RBMS3: variants seen among roughly 807,000 people sequenced by gnomAD.
RBMS3 encodes RNA binding motif single stranded interacting protein 3.
Under a neutral mutation model 66.8 loss-of-function variants are expected in RBMS3, and 27 were observed. The observed-to-expected ratio is 0.40, with a 90% CI of 0.30 to 0.56. The LOEUF (loss-of-function observed/expected upper bound fraction) is 0.56, where lower values mean the gene tolerates loss of function less well. Ranked by LOEUF, RBMS3 falls within the 20% of genes least tolerant of loss-of-function variation. RBMS3 has a pLI of 0.40. For synonymous variants in RBMS3, 188 were observed against 183.0 expected (o/e 1.03, Z -0.22); for missense variants, 513 against 549.5 (o/e 0.93, Z 0.66).
chr3:29,811,893 C>T lies in RBMS3; in HGVS notation c.637+48904C>T, dbSNP rs147029562. Among the ~76,000 whole-genome samples, 79 of 152,222 alleles carry T rather than the reference C, an allele frequency of 5.2e-4. 1 individual carries two copies. The highest frequency in any genetic ancestry group is 9.3e-4 in the Non-Finnish European group (63 of 68,018). ...GGTGATTGCTGAGGGTATGCTCTGC[C>T]GTTTCTTAGGAAGTTGTGGAAGATA... On this transcript the variant is annotated intron_variant, in intron 6 of 14. Transcript: ENST00000383767.
At chr3:29,654,448 A>G (rs2050250124) in intron 4 of RBMS3, among the ~76,000 whole-genome samples, 1 of 151,864 alleles carries the variant, frequency 6.6e-6, no homozygotes, top group Non-Finnish European at 1.5e-5. Context: ...GGGTCCTGAA[A>G]TGCAGAAATA....
chr3:29,928,824 G>A (rs1391524708), intron 10 of RBMS3, among the ~76,000 whole-genome samples: 5 of 151,514 alleles, frequency 3.3e-5, no homozygotes, highest in African/African-American at 9.7e-5. Flanking sequence ...ATTTGAACCA[G>A]GCTACTGGTC....
chr3:29,616,598 T>C (rs2048682975), intron 4 of RBMS3: 1 of 152,360 alleles, frequency 6.6e-6, no homozygotes, highest in Admixed American at 6.5e-5. Context: ...AATGATTCCT[T>C]GTGCTTCTTT....
intron 6 of RBMS3, among the ~76,000 whole-genome samples, chr3:29,866,077 TAAAAAAAA>T (rs35591949): frequency 9.5e-6 from 1 of 105,600 alleles, no homozygotes; most frequent in African/African-American, 3.9e-5. Flanking sequence ...CACCAAATAC[TAAAAAAAA>T]AAAAAAAAAA....
chr3:29,459,714 G>A (rs1426791484), intron 2 of RBMS3, among the ~76,000 whole-genome samples: 7 of 152,220 alleles, frequency 4.6e-5, no homozygotes. Context: ...TCACAAGAGT[G>A]TGCTAACTGC....
chr3:29,891,791 C>T (rs551930108), intron 8 of RBMS3, among the ~76,000 whole-genome samples: 8 of 151,506 alleles, frequency 5.3e-5, no homozygotes, highest in East Asian at 2.0e-4. Context: ...TCTTATTACA[C>T]TAGGAAAGGA....
At chr3:29,635,912 A>G (rs1197302915) in intron 4 of RBMS3, among the ~76,000 whole-genome samples, 1 of 151,888 alleles carries the variant, frequency 6.6e-6, no homozygotes, top group East Asian at 1.9e-4. Flanking sequence ...AGAATCAAGC[A>G]AGGAAGAAAC....
chr3:29,903,275 T>C (rs935479481), intron 10 of RBMS3: 1 of 151,908 alleles, frequency 6.6e-6, no homozygotes, highest in African/African-American at 2.4e-5. Context: ...ACGTAGAGAA[T>C]CAAGAGCATT....
chr3:29,912,548 A>G (rs1344300925), intron 10 of RBMS3, among the ~76,000 whole-genome samples: 3 of 152,118 alleles, frequency 2.0e-5, no homozygotes, highest in Non-Finnish European at 2.9e-5. Flanking sequence ...ATTTGTTTAT[A>G]TCAGCTGAAA....
chr3:30,004,886 A>AT lies in RBMS3; in HGVS notation c.*1026dup. On this transcript the variant is annotated 3_prime_UTR_variant, in exon 15 of 15. Transcript: ENST00000383767. Reference sequence around the variant, plus strand: ...ACATTGCAAAACCTAGCTTAAGAGCATTAAAAAAAAAAACTTAAGTAGATA... The same window carrying AT: ...ACATTGCAAAACCTAGCTTAAGAGCATTTAAAAAAAAAAACTTAAGTAGATA... 1 of 144,982 alleles carries AT rather than the reference A, an allele frequency of 6.9e-6. No individual in the cohort carries two copies. Among genetic ancestry groups the AT allele is most frequent in the East Asian group, 2.0e-4 (1 of 4,920 alleles). 9.0% of individuals were successfully genotyped at this position (144,982 alleles called of 1,614,324 possible).
At chr3:29,366,255 T>G (rs938171769) in intron 1 of RBMS3, among the ~76,000 whole-genome samples, 1 of 152,224 alleles carries the variant, frequency 6.6e-6, no homozygotes. Context: ...CTTTGTTAAG[T>G]GATAGTTGTA....
intron 12 of RBMS3, among the ~76,000 whole-genome samples, chr3:29,971,528 A>G (rs1033418492): frequency 4.6e-5 from 7 of 152,068 alleles, no homozygotes; most frequent in African/African-American, 1.4e-4. Flanking sequence ...TAATTATTCA[A>G]TTTAAAAAAA....
chr3:29,567,457 C>G (rs1397172183), intron 3 of RBMS3, among the ~76,000 whole-genome samples: 1 of 152,106 alleles, frequency 6.6e-6, no homozygotes. Context: ...TCTGTGTTCT[C>G]CAGTAGGTAA....
chr3:29,392,109 G>C (rs892496461), intron 1 of RBMS3, among the ~76,000 whole-genome samples: 1 of 152,064 alleles, frequency 6.6e-6, no homozygotes, highest in African/African-American at 2.4e-5. Flanking sequence ...ACTGAGCCAG[G>C]CATGGTGGCA....
chr3:29,831,287 G>GTTC (rs1372252727), intron 6 of RBMS3, among the ~76,000 whole-genome samples: 4 of 152,170 alleles, frequency 2.6e-5, no homozygotes, highest in Non-Finnish European at 5.9e-5. Flanking sequence ...TGAGGACTGA[G>GTTC]TAGAAGTTAA....
At chr3:29,921,623 C>G in intron 10 of RBMS3, among the ~76,000 whole-genome samples, 1 of 152,004 alleles carries the variant, frequency 6.6e-6, no homozygotes, top group Non-Finnish European at 1.5e-5. Context: ...GAGGGCTCTC[C>G]CTATAATGAG....
chr3:29,521,310 A>G (rs1017792406), intron 3 of RBMS3, among the ~76,000 whole-genome samples: 3 of 152,136 alleles, frequency 2.0e-5, no homozygotes, highest in African/African-American at 7.2e-5. Context: ...TTCCTAGTAC[A>G]TTTATCATTA....
chr3:29,905,346 T>C (rs1431348729), intron 10 of RBMS3, among the ~76,000 whole-genome samples: 1 of 152,118 alleles, frequency 6.6e-6, no homozygotes, highest in African/African-American at 2.4e-5. Flanking sequence ...TTTCTTACTA[T>C]GCTTATAGTA....
chr3:29,720,046 C>G (rs748639898), intron 4 of RBMS3, among the ~76,000 whole-genome samples: 3 of 152,074 alleles, frequency 2.0e-5, no homozygotes, highest in Non-Finnish European at 2.9e-5. Context: ...ACATGGCCCA[C>G]AAGGCCCTAT....
Sources: gnomAD v4.1 joint callset for allele counts (sites outside exome capture counted in the v4.1 genomes callset) on GRCh38, gnomAD v4.1.1 for gene constraint, MANE v1.5 for transcripts, NCBI Gene and HGNC (gene_info 2026-07-23, HGNC 2026-07-21) for gene names.